DMD: variants seen among roughly 807,000 people sequenced by gnomAD.
DMD encodes dystrophin.
A neutral mutation model predicts 330.1 loss-of-function variants in DMD; 63 were observed. That is an observed-to-expected ratio of 0.19 (90% CI 0.16 to 0.24). The LOEUF (loss-of-function observed/expected upper bound fraction) is 0.24, where lower values mean the gene tolerates loss of function less well. Among genes scored for constraint, DMD ranks in the 10% least tolerant of loss-of-function variants. DMD has a pLI of 1.00. For synonymous variants in DMD, 1,223 were observed against 959.8 expected, an observed-to-expected ratio of 1.27 and a Z score of -5.07; for missense variants, 3,344 against 2,684.1, an observed-to-expected ratio of 1.25 and a Z score of -5.43.
At chrX:33,311,126 T>C (rs2053841628) in intron 1 of DMD, among the ~76,000 whole-genome samples, 1 of 110,221 alleles carries the variant, frequency 9.1e-6, no homozygotes, top group African/African-American at 3.3e-5. Context: ...TATATGCATA[T>C]ATACATACAT....
At chrX:32,819,394 C>A (rs2078033009) in intron 5 of DMD, among the ~76,000 whole-genome samples, 1 of 110,962 alleles carries the variant, frequency 9.0e-6, no homozygotes, top group African/African-American at 3.3e-5. Flanking sequence ...TGATAGCTCA[C>A]CACTGTTAGC....
intron 1 of DMD, among the ~76,000 whole-genome samples, chrX:33,179,997 T>G (rs1293105690): frequency 2.7e-5 from 3 of 109,629 alleles, no homozygotes; most frequent in Non-Finnish European, 5.7e-5. Context: ...CCACCACGCC[T>G]GGCTAATTTT....
chrX:31,478,506 C>T (rs1451727602), intron 58 of DMD, 132 bp from the exon 59 acceptor site: 1 of 881,166 alleles, frequency 1.1e-6, no homozygotes, highest in Non-Finnish European at 1.6e-6. Flanking sequence ...CTTTTTTATA[C>T]TTTGGCATAA....
At chrX:32,814,082 T>C (rs1453608341) in intron 6 of DMD, among the ~76,000 whole-genome samples, 1 of 111,485 alleles carries the variant, frequency 9.0e-6, no homozygotes, top group Non-Finnish European at 1.9e-5. Context: ...ATAAGGTAAG[T>C]TAAGATTGGG....
chrX:32,888,549 G>T (rs1293159220), intron 2 of DMD, among the ~76,000 whole-genome samples: 2 of 111,357 alleles, frequency 1.8e-5, no homozygotes, highest in African/African-American at 6.5e-5. Context: ...GGAAACCTTG[G>T]ACCCTTAATG....
intron 1 of DMD, among the ~76,000 whole-genome samples, chrX:33,251,392 T>C (rs1274682933): frequency 1.8e-5 from 2 of 111,538 alleles, no homozygotes; most frequent in African/African-American, 6.5e-5. Flanking sequence ...CATTCGGGTA[T>C]CAAGGGAGAC....
chrX:32,491,073 G>A (rs1030917196), intron 20 of DMD, among the ~76,000 whole-genome samples: 3 of 112,375 alleles, frequency 2.7e-5, no homozygotes, highest in Non-Finnish European at 5.6e-5. Flanking sequence ...GTGTAACTAC[G>A]CCAAATACAA....
chrX:32,300,726 T>G (rs1327015719), intron 42 of DMD, among the ~76,000 whole-genome samples: 4 of 111,100 alleles, frequency 3.6e-5, no homozygotes, highest in Non-Finnish European at 7.6e-5. Context: ...TATATGGCAT[T>G]CTATGATCCC....
intron 17 of DMD, among the ~76,000 whole-genome samples, chrX:32,520,844 CTTTTTT>C (rs746203243): frequency 2.3e-5 from 2 of 87,956 alleles, no homozygotes; most frequent in African/African-American, 8.6e-5. Context: ...TCCTGCCATA[CTTTTTT>C]TTTTTTTTTT....
At chrX:32,740,845 G>A (rs761612306) in intron 7 of DMD, among the ~76,000 whole-genome samples, 4 of 111,335 alleles carry the variant, frequency 3.6e-5, no homozygotes, top group Non-Finnish European at 7.5e-5. Flanking sequence ...GGTTGGCATT[G>A]AATTCTCAAG....
At chrX:32,541,649 G>A (rs1391990193) in intron 17 of DMD, among the ~76,000 whole-genome samples, 1 of 110,927 alleles carries the variant, frequency 9.0e-6, no homozygotes, top group African/African-American at 3.3e-5. Context: ...GGGCCTATTT[G>A]AGAGTGGAAG....
chrX:32,254,213 T>C (rs1178414608), intron 43 of DMD, among the ~76,000 whole-genome samples: 1 of 111,372 alleles, frequency 9.0e-6, no homozygotes, highest in African/African-American at 3.3e-5. Flanking sequence ...GGCCAATTTT[T>C]GTATTTTTAG....
At chrX:32,560,540 T>A (rs1257929691) in intron 16 of DMD, among the ~76,000 whole-genome samples, 1 of 110,464 alleles carries the variant, frequency 9.1e-6, no homozygotes, top group African/African-American at 3.3e-5. Flanking sequence ...TACAGACCCA[T>A]TAGGTAGATA....
At chrX:32,214,365 C>A (rs2097105031) in intron 44 of DMD, among the ~76,000 whole-genome samples, 1 of 111,444 alleles carries the variant, frequency 9.0e-6, no homozygotes, top group Admixed American at 9.5e-5. Context: ...CAGCCCAAGG[C>A]TGACTAGTGA....
intron 52 of DMD, among the ~76,000 whole-genome samples, chrX:31,716,867 A>C: frequency 9.1e-6 from 1 of 109,667 alleles, no homozygotes; most frequent in East Asian, 2.9e-4. Context: ...ATATATATAT[A>C]TATATACACA....
chrX:33,308,188 C>A (rs1444141969), intron 1 of DMD, among the ~76,000 whole-genome samples: 1 of 111,714 alleles, frequency 9.0e-6, no homozygotes, highest in African/African-American at 3.3e-5. Flanking sequence ...AGACATTGTT[C>A]TAAAGGCTAA....
At chrX:31,299,378 A>G (rs17329895) in intron 62 of DMD, among the ~76,000 whole-genome samples, 18,032 of 111,390 alleles carry the variant, frequency 0.16, 1,136 homozygotes, top group Non-Finnish European at 0.18. Context: ...ACATCTCCCT[A>G]ACAGTACACA....
intron 29 of DMD, among the ~76,000 whole-genome samples, chrX:32,423,039 C>T (rs1203387965): frequency 9.1e-6 from 1 of 110,366 alleles, no homozygotes; most frequent in African/African-American, 3.3e-5. Flanking sequence ...GATATAAACT[C>T]GAGGAATTTT....
intron 7 of DMD, among the ~76,000 whole-genome samples, chrX:32,743,644 GT>G (rs1214692545): frequency 9.0e-6 from 1 of 110,710 alleles, no homozygotes; most frequent in Non-Finnish European, 1.9e-5. Flanking sequence ...GGAAAGCAGA[GT>G]TTTTAACTCT....
Sources: allele counts gnomAD v4.1 joint callset (sites outside exome capture counted in the v4.1 genomes callset), GRCh38; gene constraint gnomAD v4.1.1; transcripts MANE v1.5; gene names NCBI Gene and HGNC (gene_info 2026-07-23, HGNC 2026-07-21).